AKT2: variants seen among roughly 807,000 people sequenced by gnomAD.
The protein encoded by AKT2 is AKT serine/threonine kinase 2, also known as RAC-beta serine/threonine-protein kinase.
AKT2 carries 16 observed loss-of-function variants against 58.6 expected under a neutral mutation model. The observed-to-expected ratio is 0.27, with a 90% CI of 0.18 to 0.41. AKT2 has a LOEUF of 0.41. Ranked by LOEUF, AKT2 falls within the 10% of genes least tolerant of loss-of-function variation. AKT2 has a pLI of 1.00. For synonymous variants in AKT2, 253 were observed against 254.0 expected, an observed-to-expected ratio of 1.00 and a Z score of 0.04; for missense variants, 438 against 661.0, an observed-to-expected ratio of 0.66 and a Z score of 3.70.
chr19:40,236,616 C>T (rs1002077166), intron 9 of AKT2: 42 of 592,732 alleles, frequency 7.1e-5, no homozygotes, highest in African/African-American at 5.4e-4. Flanking sequence ...CAGGGAGAGC[C>T]GAGAGCCAGG....
At chr19:40,240,514 C>A (rs1295647876) in intron 6 of AKT2, among the ~76,000 whole-genome samples, 1 of 152,208 alleles carries the variant, frequency 6.6e-6, no homozygotes, top group Non-Finnish European at 1.5e-5. Context: ...CCACACAGCA[C>A]CTCAGCACCG....
chr19:40,271,232 C>CAT (rs1011534896), intron 1 of AKT2, among the ~76,000 whole-genome samples: 3 of 144,738 alleles, frequency 2.1e-5, no homozygotes, highest in African/African-American at 7.7e-5. Context: ...TATATACACA[C>CAT]ATATATATGT....
chr19:40,259,983 T>C (rs909019236), intron 2 of AKT2, among the ~76,000 whole-genome samples: 9 of 151,880 alleles, frequency 5.9e-5, no homozygotes, highest in Admixed American at 4.6e-4. Flanking sequence ...TCAAACCCCA[T>C]CTCTACTAAA....
chr19:40,234,974 T>C lies in AKT2; in HGVS notation c.1366+71A>G. The stretch of plus-strand genomic sequence containing the variant: ...GCCTTCGAGGGCCCTCCTTGAGAAG[T>C]GAGTTAAGAGCAGATCCCATCCCTC... On this transcript the variant is annotated intron_variant, in intron 13 of 13. Coordinates refer to ENST00000392038, the MANE Select transcript of AKT2 (RefSeq NM_001626.6). This position sits in a 1 kb window ranked among gnomAD's most constrained non-coding sequence, Gnocchi z 4.7. 7.3e-7 allele frequency: 1 copy of C among 1,365,994 alleles called. No homozygotes were observed. Among genetic ancestry groups the C allele is most frequent in the Non-Finnish European group, 1.0e-6 (1 of 957,084 alleles). 84.6% of individuals were successfully genotyped at this position (1,365,994 alleles called of 1,614,324 possible).
chr19:40,282,577 C>T (rs1192177665), intron 1 of AKT2: 1 of 531,714 alleles, frequency 1.9e-6, no homozygotes, highest in Non-Finnish European at 3.9e-6. Flanking sequence ...AGGACAGTCA[C>T]CTCTATAGGT....
intron 1 of AKT2, among the ~76,000 whole-genome samples, chr19:40,281,580 T>C (rs552270087): frequency 2.0e-5 from 3 of 152,222 alleles, no homozygotes; most frequent in East Asian, 3.9e-4. Context: ...GCAAAGCCAC[T>C]GCGTGGAAGA....
At chr19:40,264,588 T>A (rs1040335994) in intron 2 of AKT2, among the ~76,000 whole-genome samples, 5 of 151,934 alleles carry the variant, frequency 3.3e-5, no homozygotes, top group Admixed American at 3.3e-4. Context: ...ACCAGGCACA[T>A]CCCCACCTGG....
At chr19:40,269,511 G>A (rs1374067516) in intron 1 of AKT2, 1 of 152,162 alleles carries the variant, frequency 6.6e-6, no homozygotes. Flanking sequence ...ATTGGTGGGA[G>A]GTGCAAAATG....
At position 40,235,364 on chromosome 19, in the gene AKT2, G is replaced by A. The variant is rs754998469; in HGVS notation, c.1176-14C>T. 1.2e-6 allele frequency: 2 copies of A among 1,613,362 alleles called. No homozygotes were observed. Among genetic ancestry groups the A allele is most frequent in the Non-Finnish European group, 8.5e-7 (1 of 1,179,900 alleles). On this transcript the variant is annotated splice_polypyrimidine_tract_variant and intron_variant, in intron 11 of 13. Coordinates refer to ENST00000392038, the MANE Select transcript of AKT2 (RefSeq NM_001626.6). This position sits in a 1 kb window ranked among gnomAD's most constrained non-coding sequence, Gnocchi z 6.3. ...CCCCCACCAAGCCTGTGCAGAGACG[G>A]CCGTCAGCACCTGCCTCCCGGAGCA...
intron 1 of AKT2, chr19:40,282,550 A>G (rs2077442390): frequency 1.9e-6 from 1 of 532,500 alleles, no homozygotes; most frequent in African/African-American, 1.9e-5. Context: ...CTCAGGGGTA[A>G]GAGGAAGGAA....
intron 2 of AKT2, among the ~76,000 whole-genome samples, chr19:40,263,803 C>T (rs1479708294): frequency 6.6e-6 from 1 of 152,170 alleles, no homozygotes; most frequent in African/African-American, 2.4e-5. Flanking sequence ...CAGCTTCCTG[C>T]CCCCTCTTTG....
At chr19:40,284,994 G>T in intron 1 of AKT2, 187 bp downstream of exon 1, 1 of 354,988 alleles carries the variant, frequency 2.8e-6, no homozygotes, top group Non-Finnish European at 5.0e-6. Flanking sequence ...CGCCGCCACC[G>T]CCCCGGCCCC....
rs1018444031 is a variant in AKT2, at chr19:40,230,808, T to C, written c.*3064A>G. ...ATAGCTCACTGCAGCCTCAAACTCC[T>C]GGGCTCAAGTGATCTTCCCACCTCA... is the stretch of plus-strand genomic sequence containing the variant. On this transcript the variant is annotated 3_prime_UTR_variant, in exon 14 of 14. Transcript: ENST00000392038. 5.2e-6 allele frequency: 1 copy of C among 191,316 alleles called. No homozygotes were observed. The highest frequency in any genetic ancestry group is 1.1e-5 in the Non-Finnish European group (1 of 91,368). 11.9% of individuals were successfully genotyped at this position (191,316 alleles called of 1,614,324 possible). A position where few individuals can be genotyped will look rare whatever the true frequency, so the allele number is the denominator to read the frequency against.
chr19:40,275,721 G>A (rs924113724), intron 1 of AKT2, among the ~76,000 whole-genome samples: 25 of 140,622 alleles, frequency 1.8e-4, no homozygotes, highest in Non-Finnish European at 2.3e-4. Flanking sequence ...ATGTGAGTCC[G>A]GGCACGATGA....
chr19:40,279,575 C>T (rs1243807835), intron 1 of AKT2: 2 of 149,742 alleles, frequency 1.3e-5, no homozygotes, highest in Non-Finnish European at 1.5e-5. Flanking sequence ...CAACCCATCC[C>T]GGGGGCCTTC....
chr19:40,271,188 A>C (rs1233629808), intron 1 of AKT2, among the ~76,000 whole-genome samples: 1 of 148,878 alleles, frequency 6.7e-6, no homozygotes, highest in African/African-American at 2.5e-5. Context: ...AAAAAAAAAA[A>C]AAACATACGT....
chr19:40,264,651 T>A (rs1177229648), intron 2 of AKT2, among the ~76,000 whole-genome samples: 1 of 151,970 alleles, frequency 6.6e-6, no homozygotes, highest in Non-Finnish European at 1.5e-5. Context: ...CCAGCCAGCG[T>A]CTCACCTCCT....
intron 4 of AKT2, among the ~76,000 whole-genome samples, chr19:40,247,266 G>A (rs1172621876): frequency 2.0e-5 from 3 of 152,194 alleles, no homozygotes; most frequent in Admixed American, 1.3e-4. Flanking sequence ...CCAGAGGAGA[G>A]CCCCTGGGTA....
Position 40,232,416 on chromosome 19 carries a change from T to C in AKT2, c.*1456A>G. On this transcript the variant is annotated 3_prime_UTR_variant, in exon 14 of 14. Transcript: ENST00000392038. ...CCAGTAGGGACGGAGAACTGTCAGA[T>C]AACAACATCGCACACAGAGGAAAAA... The C allele has an allele frequency of 4.3e-6, 1 of 233,614 alleles. No individual in the cohort carries two copies. 14.5% of individuals were successfully genotyped at this position (233,614 alleles called of 1,614,324 possible). A position where few individuals can be genotyped will look rare whatever the true frequency, so the allele number is the denominator to read the frequency against.
Sources: allele counts gnomAD v4.1 joint callset (sites outside exome capture counted in the v4.1 genomes callset), GRCh38; gene constraint gnomAD v4.1.1; non-coding constraint Gnocchi (gnomAD v3.1); transcripts MANE v1.5; gene names NCBI Gene and HGNC (gene_info 2026-07-23, HGNC 2026-07-21).